The following LRRC37A2 variants were observed in gnomAD, a reference collection of about 807,000 sequenced individuals.
The protein encoded by LRRC37A2 is leucine-rich repeat-containing protein 37A2.
A neutral mutation model predicts 68.8 loss-of-function variants in LRRC37A2; 9 were observed. That is an observed-to-expected ratio of 0.13 (90% CI 0.08 to 0.23). The LOEUF (loss-of-function observed/expected upper bound fraction) is 0.23. Ranked by LOEUF, LRRC37A2 falls within the 10% of genes least tolerant of loss-of-function variation. LRRC37A2 has a pLI of 1.00. For synonymous variants in LRRC37A2, 63 were observed against 367.6 expected (o/e 0.17, Z 9.48); for missense variants, 168 against 950.4 (o/e 0.18, Z 10.82).
At chr17:46,990,506 G>A in the LRRC37A2 span, among the ~76,000 whole-genome samples, 2 of 152,150 alleles carry the variant, frequency 1.3e-5, no homozygotes, top group African/African-American at 4.8e-5. Context: ...TCGTTGTAAG[G>A]GGTAAGACAA....
the LRRC37A2 span, among the ~76,000 whole-genome samples, chr17:47,001,879 G>A: frequency 2.6e-5 from 4 of 151,706 alleles, no homozygotes; most frequent in Admixed American, 6.6e-5. Flanking sequence ...CTGCCACCAC[G>A]CCCAGCTAAT....
At chr17:47,025,593 G>A in the LRRC37A2 span, among the ~76,000 whole-genome samples, 409 of 151,168 alleles carry the variant, frequency 2.7e-3, no homozygotes, top group Middle Eastern at 0.01. Context: ...ACAAAATAAC[G>A]ATCGCCCCAG....
chr17:46,495,719 T>C, the LRRC37A2 span, among the ~76,000 whole-genome samples: 1 of 147,946 alleles, frequency 6.8e-6, no homozygotes, highest in African/African-American at 2.6e-5. Flanking sequence ...TCTTAGAATT[T>C]GTGATACATG....
At chr17:46,730,441 C>A in the LRRC37A2 span, among the ~76,000 whole-genome samples, 31 of 152,088 alleles carry the variant, frequency 2.0e-4, no homozygotes, top group African/African-American at 7.5e-4. Context: ...AGAGGTACAC[C>A]CCCTTGGCTG....
chr17:46,985,109 C>T, the LRRC37A2 span, among the ~76,000 whole-genome samples: 2 of 152,204 alleles, frequency 1.3e-5, no homozygotes, highest in South Asian at 2.1e-4. Context: ...AAGTTAATGA[C>T]ATTTTACTGC....
chr17:46,960,136 A>G, the LRRC37A2 span, among the ~76,000 whole-genome samples: 2 of 152,254 alleles, frequency 1.3e-5, no homozygotes, highest in Non-Finnish European at 2.9e-5. Flanking sequence ...TATCCAAAAT[A>G]TGGAAAGAGC....
At chr17:46,831,042 A>G in the LRRC37A2 span, 3 of 318,268 alleles carry the variant, frequency 9.4e-6, no homozygotes, top group Non-Finnish European at 1.7e-5. Context: ...GTTATTAAGA[A>G]CAATGCAAAT....
At chr17:46,934,118 T>C in the LRRC37A2 span, among the ~76,000 whole-genome samples, 1 of 152,184 alleles carries the variant, frequency 6.6e-6, no homozygotes, top group African/African-American at 2.4e-5. Context: ...CTCTACAGTG[T>C]GGGTAACAGG....
the LRRC37A2 span, chr17:46,818,662 G>A: frequency 1.5e-5 from 22 of 1,427,134 alleles, no homozygotes. Flanking sequence ...GCCCCCAATA[G>A]TTGGAACAAA....
chr17:46,922,751 G>A, the LRRC37A2 span: 1 of 168,890 alleles, frequency 5.9e-6, no homozygotes, highest in East Asian at 1.8e-4. Flanking sequence ...AGGAAAAACA[G>A]TGAAGAGCGA....
At chr17:46,710,591 G>T in the LRRC37A2 span, among the ~76,000 whole-genome samples, 1 of 152,112 alleles carries the variant, frequency 6.6e-6, no homozygotes, top group East Asian at 1.9e-4. Context: ...TGTCTATTGC[G>T]CTGTTTCTAA....
the LRRC37A2 span, chr17:46,769,987 G>A: frequency 1.2e-6 from 2 of 1,607,606 alleles, no homozygotes; most frequent in South Asian, 1.1e-5. Context: ...CGCAGGAGCG[G>A]GTGACGGCGA....
chr17:46,788,991 G>T, the LRRC37A2 span, among the ~76,000 whole-genome samples: 1 of 152,204 alleles, frequency 6.6e-6, no homozygotes, highest in Non-Finnish European at 1.5e-5. Context: ...GTGCTGCTTG[G>T]CTGGGAGCTC....
At chr17:46,699,402 GAC>G in the LRRC37A2 span, among the ~76,000 whole-genome samples, 73,637 of 141,984 alleles carry the variant, frequency 0.52, 16,902 homozygotes, top group South Asian at 0.68. Flanking sequence ...ATAAACTGAG[GAC>G]ACACACACAC....
chr17:46,939,743 T>TGTA, the LRRC37A2 span: 1 of 987,438 alleles, frequency 1.0e-6, no homozygotes, highest in Non-Finnish European at 1.2e-6. Flanking sequence ...TGTATGTCCT[T>TGTA]GTAACACTCT....
At chr17:46,816,861 G>A in the LRRC37A2 span, among the ~76,000 whole-genome samples, 1 of 152,220 alleles carries the variant, frequency 6.6e-6, no homozygotes, top group East Asian at 1.9e-4. Context: ...CCTTGGCCCG[G>A]GAATGGGAAG....
At chr17:47,041,902 G>A in the LRRC37A2 span, 1 of 132,256 alleles carries the variant, frequency 7.6e-6, no homozygotes, top group Non-Finnish European at 1.6e-5. Context: ...ATTCTGGGCT[G>A]TAGCATGCTA....
chr17:46,829,802 G>A, the LRRC37A2 span, among the ~76,000 whole-genome samples: 1 of 151,930 alleles, frequency 6.6e-6, no homozygotes, highest in Non-Finnish European at 1.5e-5. Flanking sequence ...GTGGTGGGGT[G>A]GGGGGAGCAT....
the LRRC37A2 span, among the ~76,000 whole-genome samples, chr17:46,928,340 G>A: frequency 1.3e-5 from 2 of 152,160 alleles, no homozygotes; most frequent in Non-Finnish European, 2.9e-5. Context: ...TTGGGGTCCT[G>A]GTTTGCATTG....
Sources: gnomAD v4.1 joint callset for allele counts (sites outside exome capture counted in the v4.1 genomes callset) on GRCh38, gnomAD v4.1.1 for gene constraint, MANE v1.5 for transcripts, NCBI Gene and HGNC (gene_info 2026-07-23, HGNC 2026-07-21) for gene names.